The following ATP8B1 variants were observed in gnomAD, a reference collection of about 807,000 sequenced individuals.
ATP8B1 encodes phospholipid-transporting ATPase IC.
Under a neutral mutation model 149.9 loss-of-function variants are expected in ATP8B1, and 80 were observed. That is an observed-to-expected ratio of 0.53 (90% confidence interval 0.45 to 0.64). The LOEUF is 0.64. ATP8B1 is among the 30% of genes least tolerant of loss of function. The probability of loss-of-function intolerance (pLI) is 0.00; values close to 1 mark genes in which losing one functional copy is unlikely to be tolerated. For synonymous variants in ATP8B1, 536 were observed against 562.8 expected (o/e 0.95, Z 0.67); for missense variants, 1,247 against 1,552.6 (o/e 0.80, Z 3.31).
At chr18:57,741,154 T>A (rs1599180390) in intron 1 of ATP8B1, among the ~76,000 whole-genome samples, 1 of 152,088 alleles carries the variant, frequency 6.6e-6, no homozygotes, top group Non-Finnish European at 1.5e-5. Flanking sequence ...GCCAGGCTGG[T>A]CTTGAACTTC....
At chr18:57,799,969 C>T (rs961173441) in intron 1 of ATP8B1, among the ~76,000 whole-genome samples, 1 of 149,224 alleles carries the variant, frequency 6.7e-6, no homozygotes, top group African/African-American at 2.5e-5. Context: ...GGTATTAACA[C>T]TCTTCTGGCA....
At chr18:57,762,501 T>C (rs12961881) in intron 1 of ATP8B1, among the ~76,000 whole-genome samples, 69,348 of 152,032 alleles carry the variant, frequency 0.46, 16,076 homozygotes, top group Middle Eastern at 0.52. Context: ...TCACTAGGGT[T>C]CACTCTTTGT....
At chr18:57,785,259 C>G (rs2080395428) in intron 1 of ATP8B1, among the ~76,000 whole-genome samples, 1 of 152,318 alleles carries the variant, frequency 6.6e-6, no homozygotes, top group Middle Eastern at 3.4e-3. Context: ...TAGGTGTTAG[C>G]TGGATTTTCC....
chr18:57,725,775 T>C (rs2079700099), intron 2 of ATP8B1, among the ~76,000 whole-genome samples: 1 of 152,186 alleles, frequency 6.6e-6, no homozygotes, highest in African/African-American at 2.4e-5. Flanking sequence ...GAACATACAT[T>C]GGGGAAAGGC....
intron 1 of ATP8B1, among the ~76,000 whole-genome samples, chr18:57,739,250 G>C (rs2079887562): frequency 6.6e-6 from 1 of 152,002 alleles, no homozygotes. Flanking sequence ...CGCTCACCTT[G>C]GCCTCCCAAA....
At chr18:57,699,637 T>C (rs1568201750) in intron 6 of ATP8B1, among the ~76,000 whole-genome samples, 1 of 152,056 alleles carries the variant, frequency 6.6e-6, no homozygotes, top group Admixed American at 6.5e-5. Flanking sequence ...GGCAGGATGC[T>C]GTGAACCCGG....
chr18:57,674,734 A>C, intron 16 of ATP8B1, 100 bp downstream of exon 16: 3 of 1,357,018 alleles, frequency 2.2e-6, no homozygotes, highest in Non-Finnish European at 3.1e-6. Context: ...GGAGCCAAGT[A>C]GCTCTTTCAC....
chr18:57,793,836 T>C (rs1217670870), intron 1 of ATP8B1, among the ~76,000 whole-genome samples: 1 of 152,190 alleles, frequency 6.6e-6, no homozygotes, highest in Non-Finnish European at 1.5e-5. Flanking sequence ...TCCCATTCTC[T>C]CGGTCCCAGT....
chr18:57,724,503 CTCA>C (rs2079683947), intron 2 of ATP8B1, among the ~76,000 whole-genome samples: 1 of 152,094 alleles, frequency 6.6e-6, no homozygotes, highest in Admixed American at 6.6e-5. Flanking sequence ...TGAAAAAATG[CTCA>C]TCATCACTGG....
chr18:57,798,602 A>G lies in ATP8B1; in HGVS notation c.-26+4396T>C, dbSNP rs149773775. ...CAGAGCAAGACCCTGTCTAAAATAA[A>G]TAAATAAATAAAGTTAAAAATAGAA... On this transcript the variant is annotated intron_variant, in intron 1 of 27. Transcript: ENST00000648908. 5.0e-3 allele frequency among the ~76,000 whole-genome samples: 755 copies of G among 152,212 alleles called. 7 individuals carry two copies. The highest frequency in any genetic ancestry group is 0.012 in the African/African-American group (489 of 41,520).
chr18:57,667,394 C>A (rs545304789), intron 19 of ATP8B1: 2 of 516,554 alleles, frequency 3.9e-6, no homozygotes, highest in East Asian at 6.9e-5. Flanking sequence ...AGCCACCAAA[C>A]AATTTGTGTT....
chr18:57,688,515 G>C lies in ATP8B1; in HGVS notation c.1221-8C>G, dbSNP rs368830215. 4.8e-5 allele frequency: 77 copies of C among 1,613,922 alleles called. No homozygotes were observed. Among genetic ancestry groups the C allele is most frequent in the Non-Finnish European group, 6.2e-5 (73 of 1,179,774 alleles). ...AGACGAATCACTTCCACGCTAGGAAGACAGAAGATTATTTTCCGTAGAGAG... is the reference window on the plus strand; with the variant it reads ...AGACGAATCACTTCCACGCTAGGAACACAGAAGATTATTTTCCGTAGAGAG... On this transcript the variant is annotated splice_region_variant and splice_polypyrimidine_tract_variant and intron_variant, in intron 12 of 27. Transcript: ENST00000648908.
Position 57,674,838 on chromosome 18 carries a change from G to C in ATP8B1, c.1815C>G (p.Ile605Met), listed in dbSNP as rs375054776. The C allele has an allele frequency of 2.5e-6, 4 of 1,613,872 alleles. No individual in the cohort carries two copies. Among genetic ancestry groups the C allele is most frequent in the Non-Finnish European group, 3.4e-6 (4 of 1,179,938 alleles). ...DFNSDRKRMS[I>M]IVRTPEGNIK... is the part of the protein sequence containing the mutation. ...CAGACTCTGAGGGGGACTTACCAATGATAGACATTCGCTTCCGGTCACTGT... is the reference window on the plus strand; with the variant it reads ...CAGACTCTGAGGGGGACTTACCAATCATAGACATTCGCTTCCGGTCACTGT... Residue 605 changes from isoleucine (I) to methionine (M), a missense_variant, in exon 16 of 28, where the codon ATC becomes ATG. Transcript: ENST00000648908.
intron 6 of ATP8B1, among the ~76,000 whole-genome samples, chr18:57,699,040 A>G (rs1912977741): frequency 6.6e-6 from 1 of 152,184 alleles, no homozygotes; most frequent in South Asian, 2.1e-4. Flanking sequence ...AACGTAGTCA[A>G]CTGTGACGAA....
intron 1 of ATP8B1, among the ~76,000 whole-genome samples, chr18:57,800,575 C>T (rs1366235167): frequency 6.6e-6 from 1 of 152,092 alleles, no homozygotes; most frequent in Non-Finnish European, 1.5e-5. Context: ...CAGATACCTG[C>T]AATAATAGTA....
intron 2 of ATP8B1, among the ~76,000 whole-genome samples, chr18:57,710,253 G>C (rs1481985185): frequency 1.1e-4 from 17 of 152,290 alleles, no homozygotes; most frequent in Non-Finnish European, 2.1e-4. Flanking sequence ...GCTAACAAGG[G>C]TGTGCCATCA....
chr18:57,696,979 G>A (rs1912847770), intron 8 of ATP8B1, among the ~76,000 whole-genome samples: 2 of 152,090 alleles, frequency 1.3e-5, no homozygotes, highest in Admixed American at 1.3e-4. Context: ...TGCCTCCTGG[G>A]GCCAGCTGCT....
chr18:57,650,354 A>G lies in ATP8B1; in HGVS notation c.3531+13T>C, dbSNP rs758352399. On this transcript the variant is annotated intron_variant, in intron 27 of 27. Transcript: ENST00000648908. Reference sequence around the variant, plus strand: ...TGAGGGACAGAGTTGGGAAAGGACTATATTCTTTATACCTTATCACTTTCT... The same window carrying G: ...TGAGGGACAGAGTTGGGAAAGGACTGTATTCTTTATACCTTATCACTTTCT... The G allele has an allele frequency of 4.9e-5, 79 of 1,611,774 alleles. No homozygotes were observed. The highest frequency in any genetic ancestry group is 6.5e-5 in the Non-Finnish European group (77 of 1,178,618).
intron 1 of ATP8B1, among the ~76,000 whole-genome samples, chr18:57,733,007 G>T (rs2079804942): frequency 6.6e-6 from 1 of 152,062 alleles, no homozygotes; most frequent in Non-Finnish European, 1.5e-5. Flanking sequence ...GACTTCCCAG[G>T]AACACTCCCT....
Sources: gnomAD v4.1 joint callset for allele counts (sites outside exome capture counted in the v4.1 genomes callset) on GRCh38, gnomAD v4.1.1 for gene constraint, MANE v1.5 for transcripts, NCBI Gene and HGNC (gene_info 2026-07-23, HGNC 2026-07-21) for gene names.